The following DENND1A variants were observed in gnomAD, a reference collection of about 807,000 sequenced individuals.
DENND1A encodes the protein DENN domain-containing protein 1A.
Under a neutral mutation model 113.7 loss-of-function variants are expected in DENND1A, and 51 were observed. That is an observed-to-expected ratio of 0.45 (90% CI 0.36 to 0.57). The LOEUF is 0.57. Ranked by LOEUF, DENND1A falls within the 20% of genes least tolerant of loss-of-function variation. The pLI is 0.00. For synonymous variants in DENND1A, 565 were observed against 570.8 expected (o/e 0.99, Z 0.14); for missense variants, 1,258 against 1,395.9 (o/e 0.90, Z 1.57).
intron 11 of DENND1A, among the ~76,000 whole-genome samples, chr9:123,600,270 T>C (rs552980518): frequency 6.6e-5 from 10 of 152,326 alleles, no homozygotes; most frequent in African/African-American, 2.2e-4. Flanking sequence ...CTAAATAATA[T>C]TGATAATCAC....
At chr9:123,667,525 G>A (rs1249299510) in intron 7 of DENND1A, among the ~76,000 whole-genome samples, 1 of 152,204 alleles carries the variant, frequency 6.6e-6, no homozygotes, top group Non-Finnish European at 1.5e-5. Context: ...GCTAAAGCAG[G>A]AGAATCGTTT....
intron 1 of DENND1A, among the ~76,000 whole-genome samples, chr9:123,900,488 T>C (rs1851442174): frequency 6.6e-6 from 1 of 152,152 alleles, no homozygotes; most frequent in African/African-American, 2.4e-5. Flanking sequence ...AAGGGGATGC[T>C]CGCTTAAGGG....
At chr9:123,590,764 T>C (rs1031021458) in intron 11 of DENND1A, among the ~76,000 whole-genome samples, 2 of 152,250 alleles carry the variant, frequency 1.3e-5, no homozygotes, top group African/African-American at 4.8e-5. Flanking sequence ...AGGTATTCAT[T>C]GAACCATATA....
intron 1 of DENND1A, among the ~76,000 whole-genome samples, chr9:123,910,920 G>A (rs117252804): frequency 0.038 from 5,786 of 152,218 alleles, 109 homozygotes; most frequent in Middle Eastern, 0.048. Flanking sequence ...TCCAGTCTGG[G>A]CAATGAAGCA....
At chr9:123,557,840 G>A in intron 12 of DENND1A, 145 bp from the exon 13 acceptor site, 1 of 969,178 alleles carries the variant, frequency 1.0e-6, no homozygotes, top group Non-Finnish European at 1.5e-6. Flanking sequence ...ACAAAAACGT[G>A]TTCAGGCTGG....
intron 13 of DENND1A, among the ~76,000 whole-genome samples, chr9:123,526,479 T>C (rs959569227): frequency 6.6e-6 from 1 of 152,172 alleles, no homozygotes; most frequent in African/African-American, 2.4e-5. Context: ...CTCCCATGTC[T>C]TCCCTCAGCC....
At position 123,630,448 on chromosome 9, in the gene DENND1A, G is replaced by A. The variant is rs773922888; in HGVS notation, c.647C>T (p.Ala216Val). 12 of 1,598,046 alleles carry A rather than the reference G, an allele frequency of 7.5e-6. No individual in the cohort carries two copies. The highest frequency in any genetic ancestry group is 9.4e-6 in the Non-Finnish European group (11 of 1,171,438). ...CTGCCAGTACATGGGGTAGAGCATC[G>A]CCGCAGACCCGTGGATGCAGGCAGT... The part of the protein sequence containing the change: ...TLTACIHGSA[A>V]MLYPMYWQHV... Residue 216 changes from alanine to valine, a missense_variant, in exon 10 of 24, where the codon GCG becomes GTG. Ala to Val is a moderately conservative substitution (Grantham distance 64). Coordinates refer to ENST00000394215, the MANE Select transcript of DENND1A (RefSeq NM_001352964.2).
At chr9:123,467,523 C>G (rs1588675624) in intron 13 of DENND1A, among the ~76,000 whole-genome samples, 3 of 152,084 alleles carry the variant, frequency 2.0e-5, no homozygotes, top group African/African-American at 7.2e-5. Context: ...GGCATATTGG[C>G]GGGCGCCTGT....
chr9:123,386,557 G>C (rs974322928), intron 22 of DENND1A, among the ~76,000 whole-genome samples: 15 of 151,824 alleles, frequency 9.9e-5, no homozygotes, highest in African/African-American at 3.6e-4. Context: ...AATTTTTGTA[G>C]TTTTTAAGTA....
intron 1 of DENND1A, among the ~76,000 whole-genome samples, chr9:123,924,885 G>A (rs537738346): frequency 1.1e-4 from 17 of 152,178 alleles, no homozygotes; most frequent in African/African-American, 4.1e-4. Flanking sequence ...TTGCCTCAAG[G>A]CCTGGAATAA....
intron 2 of DENND1A, among the ~76,000 whole-genome samples, chr9:123,817,796 G>A (rs1434114131): frequency 6.6e-6 from 1 of 152,174 alleles, no homozygotes; most frequent in Non-Finnish European, 1.5e-5. Flanking sequence ...GGAGGCCGAG[G>A]TGGGTGGATC....
In DENND1A at chr9:123,930,041, A is replaced by G. The variant is rs1857766059; in HGVS notation, c.-136T>C. The stretch of plus-strand genomic sequence containing the variant: ...CCTCAGGCTGGGGCCCGCCCGCTCG[A>G]GGCTCGCTCCCTCGCCGCCGCCGCC... On this transcript the variant is annotated 5_prime_UTR_variant, in exon 1 of 24. Coordinates refer to ENST00000394215, the MANE Select transcript of DENND1A (RefSeq NM_001352964.2). 4.7e-6 allele frequency: 1 copy of G among 212,152 alleles called. No individual in the cohort carries two copies. Among genetic ancestry groups the G allele is most frequent in the Non-Finnish European group, 9.2e-6 (1 of 109,162 alleles). The allele number at this position is 212,152 out of a possible 1,614,324, so 13.1% of individuals were successfully genotyped here.
chr9:123,732,923 G>A (rs941328836), intron 5 of DENND1A, among the ~76,000 whole-genome samples: 1 of 152,334 alleles, frequency 6.6e-6, no homozygotes. Context: ...TTAAATGAGA[G>A]AGCGCATGGA....
intron 13 of DENND1A, among the ~76,000 whole-genome samples, chr9:123,528,406 T>G (rs760774925): frequency 1.3e-5 from 2 of 152,164 alleles, no homozygotes; most frequent in Non-Finnish European, 2.9e-5. Context: ...ACAGAAATAT[T>G]TGCCATATAT....
chr9:123,486,893 C>G (rs889104911), intron 13 of DENND1A, among the ~76,000 whole-genome samples: 1 of 152,210 alleles, frequency 6.6e-6, no homozygotes, highest in Non-Finnish European at 1.5e-5. Context: ...CCTGCCCAGC[C>G]ACAGGGGTGG....
intron 2 of DENND1A, 148 bp downstream of exon 2, chr9:123,878,803 G>A (rs188405451): frequency 1.4e-4 from 99 of 683,446 alleles, no homozygotes; most frequent in African/African-American, 1.3e-3. Flanking sequence ...TTCTTCCTAG[G>A]ATAATGTGAG....
intron 10 of DENND1A, among the ~76,000 whole-genome samples, chr9:123,610,953 T>C (rs2060391641): frequency 6.6e-6 from 1 of 152,194 alleles, no homozygotes; most frequent in Non-Finnish European, 1.5e-5. Context: ...TCATTACCAT[T>C]CAACAAATAA....
At chr9:123,463,641 G>A (rs1162899463) in intron 13 of DENND1A, among the ~76,000 whole-genome samples, 1 of 152,162 alleles carries the variant, frequency 6.6e-6, no homozygotes, top group Non-Finnish European at 1.5e-5. Flanking sequence ...CAGGAGTAGT[G>A]GTTCACGCCT....
At chr9:123,700,632 T>C (rs998163428) in intron 5 of DENND1A, among the ~76,000 whole-genome samples, 2 of 152,242 alleles carry the variant, frequency 1.3e-5, no homozygotes, top group East Asian at 3.8e-4. Context: ...GGCTTTAAAC[T>C]GATTGGATGA....
Sources: allele counts gnomAD v4.1 joint callset (sites outside exome capture counted in the v4.1 genomes callset), GRCh38; gene constraint gnomAD v4.1.1; transcripts MANE v1.5; gene names NCBI Gene and HGNC (gene_info 2026-07-23, HGNC 2026-07-21).